NEK1: variants seen among roughly 807,000 people sequenced by gnomAD.
The protein encoded by NEK1 is serine/threonine-protein kinase Nek1.
In NEK1, 137 loss-of-function variants were observed where a neutral mutation model predicts 182.1. The ratio of observed to expected loss-of-function variants is 0.75; its 90% CI spans 0.65 to 0.87. The LOEUF is 0.87. Ranked by LOEUF, NEK1 falls within the 40% of genes least tolerant of loss-of-function variation. The pLI is 0.00. For missense variants in NEK1, 1,391 were observed against 1,494.4 expected, an observed-to-expected ratio of 0.93 and a Z score of 1.14; for synonymous variants, 513 against 492.2, an observed-to-expected ratio of 1.04 and a Z score of -0.56.
chr4:169,610,299 A>G (rs1772103956), intron 2 of NEK1, among the ~76,000 whole-genome samples: 2 of 150,734 alleles, frequency 1.3e-5, no homozygotes, highest in South Asian at 4.2e-4. Flanking sequence ...ACAGCGTCTG[A>G]CCCAGAATTT....
intron 27 of NEK1, among the ~76,000 whole-genome samples, chr4:169,454,586 C>T (rs1313165035): frequency 2.0e-5 from 3 of 151,918 alleles, no homozygotes; most frequent in South Asian, 2.1e-4. Flanking sequence ...AAATGCTCAT[C>T]ATCACTGATC....
Position 169,602,032 on chromosome 4 carries a change from C to T in NEK1, c.190G>A (p.Val64Ile). 1.2e-6 allele frequency: 2 copies of T among 1,612,392 alleles called. No homozygotes were observed. Among genetic ancestry groups the T allele is most frequent in the Non-Finnish European group, 1.7e-6 (2 of 1,178,620 alleles). Residue 64 changes from valine (V) to isoleucine (I), a missense_variant, in exon 4 of 36, where the codon GTC (valine) becomes ATC (isoleucine). Physicochemically the swap from Val to Ile is conservative, Grantham distance 29. Coordinates refer to ENST00000507142, the MANE Select transcript of NEK1 (RefSeq NM_001199397.3). ...VLANMKHPNI[V>I]QYRESFEENG... ...CCTTCAAATGATTCTCTATACTGGA[C>T]AATATTTGGATGCTTCATGTTTGCC...
At chr4:169,485,070 A>T (rs1748791037) in intron 23 of NEK1, among the ~76,000 whole-genome samples, 1 of 152,214 alleles carries the variant, frequency 6.6e-6, no homozygotes, top group South Asian at 2.1e-4. Context: ...TCCTATCTTA[A>T]CCATGATCAG....
intron 19 of NEK1, among the ~76,000 whole-genome samples, chr4:169,521,470 G>C (rs985742501): frequency 1.3e-5 from 2 of 151,380 alleles, no homozygotes; most frequent in African/African-American, 2.4e-5. Context: ...CGTCTTCTGC[G>C]TCGCTCACGC....
intron 31 of NEK1, among the ~76,000 whole-genome samples, chr4:169,409,799 G>A (rs991518270): frequency 2.0e-5 from 3 of 152,024 alleles, no homozygotes; most frequent in Admixed American, 6.6e-5. Flanking sequence ...AAAAAATTAC[G>A]GCCGTTCTTG....
chr4:169,579,830 G>A (rs1032683691), intron 11 of NEK1, among the ~76,000 whole-genome samples: 6 of 150,520 alleles, frequency 4.0e-5, no homozygotes, highest in Non-Finnish European at 5.9e-5. Context: ...TTGCCTTCCT[G>A]AGAACGCACT....
intron 4 of NEK1, among the ~76,000 whole-genome samples, chr4:169,599,582 T>C (rs77167861): frequency 0.012 from 1,900 of 152,300 alleles, 34 homozygotes; most frequent in African/African-American, 0.043. Context: ...GTTATCTTAG[T>C]TTTCTGACTG....
At chr4:169,417,831 C>T (rs534713420) in intron 31 of NEK1, among the ~76,000 whole-genome samples, 1 of 152,170 alleles carries the variant, frequency 6.6e-6, no homozygotes, top group Admixed American at 6.5e-5. Context: ...ATGAAGTAAA[C>T]CCTACCACTA....
At chr4:169,407,181 TC>T (rs1275495691) in intron 31 of NEK1, among the ~76,000 whole-genome samples, 1 of 152,182 alleles carries the variant, frequency 6.6e-6, no homozygotes, top group Non-Finnish European at 1.5e-5. Flanking sequence ...ACCCATTTGT[TC>T]CGCTTTCACG....
intron 2 of NEK1, among the ~76,000 whole-genome samples, chr4:169,608,688 TG>T (rs1220052824): frequency 6.6e-6 from 1 of 152,154 alleles, no homozygotes; most frequent in African/African-American, 2.4e-5. Flanking sequence ...ACAAAGGATA[TG>T]AAGTTAAACG....
At chr4:169,521,768 C>G (rs143339160) in intron 19 of NEK1, among the ~76,000 whole-genome samples, 72 of 152,300 alleles carry the variant, frequency 4.7e-4, no homozygotes, top group African/African-American at 1.7e-3. Context: ...TCCTTCTAAA[C>G]TCCATGGTTT....
chr4:169,553,524 C>G (rs1249561623), intron 18 of NEK1, among the ~76,000 whole-genome samples: 4 of 151,850 alleles, frequency 2.6e-5, no homozygotes, highest in Non-Finnish European at 5.9e-5. Flanking sequence ...TTCATTACAA[C>G]AAAAAAGTTC....
At chr4:169,546,073 G>A (rs1255720181) in intron 18 of NEK1, among the ~76,000 whole-genome samples, 4 of 152,170 alleles carry the variant, frequency 2.6e-5, no homozygotes, top group African/African-American at 9.7e-5. Context: ...TAATTGTGAT[G>A]TTAGGGTGTC....
chr4:169,490,569 A>C (rs1436533291), intron 23 of NEK1, among the ~76,000 whole-genome samples: 2 of 152,110 alleles, frequency 1.3e-5, no homozygotes, highest in African/African-American at 2.4e-5. Context: ...TAGACAATTC[A>C]ATGAAATCAG....
Position 169,424,618 on chromosome 4 carries a change from T to C in NEK1, c.3157A>G (p.Asn1053Asp). The C allele has an allele frequency of 2.5e-6, 4 of 1,613,076 alleles. No homozygotes were observed. Among genetic ancestry groups the C allele is most frequent in the East Asian group, 2.2e-5 (1 of 44,844 alleles). Residue 1053 changes from asparagine (N) to aspartate (D), a missense_variant, in exon 31 of 36, where the codon AAT becomes GAT. By Grantham distance (23) the Asn-to-Asp change is conservative. Transcript: ENST00000507142. ...FRSHSHLPPK[N>D]KNKNSLLIGL... ...ATCAGCAAGGAATTCTTGTTTTTAT[T>C]TTTTGGTGGTAAATGCGAGTGAGAT...
chr4:169,477,136 A>G lies in NEK1; in HGVS notation c.2422T>C (p.Ser808Pro). ...CTACTATACATACTTTCAGTTGTAG[A>G]GAAGGATGTATCTAGTGTTAACTCA... ...LDELTLDTSF[S>P]TTERHTVGEV... Residue 808 changes from serine to proline, a missense_variant, in exon 26 of 36, where the codon TCT becomes CCT. Ser to Pro is a moderately conservative substitution (Grantham distance 74). This residue lies in a region of NEK1 where 1,216 missense variants were observed against 1,277.6 expected (regional missense o/e 0.95). Transcript: ENST00000507142. 6.3e-7 allele frequency: 1 copy of G among 1,594,872 alleles called. No individual in the cohort carries two copies. Among genetic ancestry groups the G allele is most frequent in the African/African-American group, 1.3e-5 (1 of 74,670 alleles).
intron 10 of NEK1, among the ~76,000 whole-genome samples, chr4:169,585,006 T>C (rs1227956682): frequency 1.3e-5 from 2 of 152,154 alleles, no homozygotes; most frequent in African/African-American, 2.4e-5. Context: ...AATAACATAA[T>C]GAGACTGTCT....
At chr4:169,532,646 T>C (rs1295088141) in intron 19 of NEK1, among the ~76,000 whole-genome samples, 1 of 151,934 alleles carries the variant, frequency 6.6e-6, no homozygotes. Context: ...AAAAATAAAG[T>C]CTATTTGCTG....
chr4:169,569,822 G>T, intron 12 of NEK1, among the ~76,000 whole-genome samples: 1 of 152,220 alleles, frequency 6.6e-6, no homozygotes, highest in Non-Finnish European at 1.5e-5. Flanking sequence ...GGAGTGCAGT[G>T]TCGTGATCTC....
Sources: allele counts gnomAD v4.1 joint callset (sites outside exome capture counted in the v4.1 genomes callset), GRCh38; gene constraint gnomAD v4.1.1; regional missense constraint gnomAD v4.1.1; transcripts MANE v1.5; gene names NCBI Gene and HGNC (gene_info 2026-07-23, HGNC 2026-07-21).